The following MCTP1 variants were observed in gnomAD, a reference collection of about 807,000 sequenced individuals.
MCTP1 encodes the protein multiple C2 and transmembrane domain containing 1.
Under a neutral mutation model 120.6 loss-of-function variants are expected in MCTP1, and 69 were observed. The observed-to-expected ratio is 0.57, with a 90% CI of 0.47 to 0.70. The LOEUF (loss-of-function observed/expected upper bound fraction) is 0.70. Among genes scored for constraint, MCTP1 ranks in the 30% least tolerant of loss-of-function variants. MCTP1 has a pLI of 0.00. For synonymous variants in MCTP1, 529 were observed against 493.1 expected, an observed-to-expected ratio of 1.07 and a Z score of -0.96; for missense variants, 1,203 against 1,248.8, an observed-to-expected ratio of 0.96 and a Z score of 0.55.
chr5:95,220,143 G>A (rs922399266), intron 1 of MCTP1, among the ~76,000 whole-genome samples: 9 of 152,110 alleles, frequency 5.9e-5, no homozygotes, highest in Non-Finnish European at 1.3e-4. Context: ...TTAGAGCTGA[G>A]GTTCCTTAAG....
chr5:95,068,814 T>A (rs1426106908), intron 1 of MCTP1: 2 of 1,279,548 alleles, frequency 1.6e-6, no homozygotes, highest in Non-Finnish European at 2.0e-6. Context: ...TCCTTTCCAA[T>A]CTTACCATAC....
intron 1 of MCTP1, among the ~76,000 whole-genome samples, chr5:95,100,254 C>A (rs1264293110): frequency 6.6e-6 from 1 of 151,624 alleles, no homozygotes; most frequent in Non-Finnish European, 1.5e-5. Context: ...GCACATGTAC[C>A]CTAAAACTTA....
At chr5:95,277,026 G>A (rs1441095856) in intron 1 of MCTP1, among the ~76,000 whole-genome samples, 1 of 152,072 alleles carries the variant, frequency 6.6e-6, no homozygotes, top group Non-Finnish European at 1.5e-5. Flanking sequence ...CAGTGAAGAA[G>A]GAAGGGAAGG....
At chr5:94,912,318 G>C (rs999110655) in intron 9 of MCTP1, among the ~76,000 whole-genome samples, 2 of 151,010 alleles carry the variant, frequency 1.3e-5, no homozygotes, top group Non-Finnish European at 2.9e-5. Context: ...CCAGCTACTC[G>C]GGAGGCTGAG....
At chr5:95,054,696 GA>G (rs1746909257) in intron 1 of MCTP1, among the ~76,000 whole-genome samples, 1 of 152,150 alleles carries the variant, frequency 6.6e-6, no homozygotes, top group South Asian at 2.1e-4. Context: ...GTATTAATGT[GA>G]AAAAATAAAG....
chr5:95,039,795 G>A (rs1377244359), intron 1 of MCTP1, among the ~76,000 whole-genome samples: 1 of 140,430 alleles, frequency 7.1e-6, no homozygotes, highest in Non-Finnish European at 1.5e-5. Flanking sequence ...AGCTTATTCA[G>A]TTAACTGATA....
At chr5:94,768,495 C>A (rs774082154) in intron 19 of MCTP1, among the ~76,000 whole-genome samples, 1 of 151,868 alleles carries the variant, frequency 6.6e-6, no homozygotes, top group Admixed American at 6.6e-5. Context: ...ATCCAACAAG[C>A]GACTCGTAAT....
chr5:95,018,320 A>G (rs533898039), intron 1 of MCTP1, among the ~76,000 whole-genome samples: 53 of 152,212 alleles, frequency 3.5e-4, no homozygotes, highest in African/African-American at 1.2e-3. Flanking sequence ...TTAAATTCTT[A>G]TAATTTTTTT....
At chr5:95,114,655 C>T (rs1266165276) in intron 1 of MCTP1, among the ~76,000 whole-genome samples, 1 of 152,180 alleles carries the variant, frequency 6.6e-6, no homozygotes, top group African/African-American at 2.4e-5. Flanking sequence ...AATAGAAAAC[C>T]ATGTAGACAT....
intron 1 of MCTP1, among the ~76,000 whole-genome samples, chr5:95,281,959 G>A (rs1016509178): frequency 5.9e-5 from 9 of 152,312 alleles, no homozygotes; most frequent in Admixed American, 4.6e-4. Context: ...AGATTCTGGA[G>A]ACTGACTTGA....
chr5:94,979,948 G>T (rs993082344), intron 2 of MCTP1, among the ~76,000 whole-genome samples: 1 of 152,026 alleles, frequency 6.6e-6, no homozygotes, highest in Non-Finnish European at 1.5e-5. Flanking sequence ...TAAGGAAAAT[G>T]TAAGATTTAA....
intron 6 of MCTP1, among the ~76,000 whole-genome samples, chr5:94,930,459 A>T (rs1814377580): frequency 6.6e-6 from 1 of 151,658 alleles, no homozygotes; most frequent in South Asian, 2.1e-4. Context: ...TTTTTAGTAG[A>T]GATGGGGTTT....
chr5:95,159,529 G>T (rs914068688), intron 1 of MCTP1, among the ~76,000 whole-genome samples: 1 of 152,128 alleles, frequency 6.6e-6, no homozygotes, highest in Non-Finnish European at 1.5e-5. Context: ...TATATACTAT[G>T]TTAAGTTCTA....
At chr5:94,745,027 G>A (rs1322400146) in intron 19 of MCTP1, among the ~76,000 whole-genome samples, 2 of 152,168 alleles carry the variant, frequency 1.3e-5, no homozygotes, top group East Asian at 3.9e-4. Flanking sequence ...GAAACAACAA[G>A]AGAAGGAAGA....
At chr5:95,203,223 CG>C (rs1340997967) in intron 1 of MCTP1, among the ~76,000 whole-genome samples, 3 of 152,150 alleles carry the variant, frequency 2.0e-5, no homozygotes, top group African/African-American at 4.8e-5. Context: ...ATATTTTGAA[CG>C]TTACTTCCAA....
intron 19 of MCTP1, among the ~76,000 whole-genome samples, chr5:94,715,982 CTT>C (rs1478727445): frequency 1.3e-5 from 2 of 152,226 alleles, no homozygotes; most frequent in East Asian, 1.9e-4. Context: ...TACATACTGA[CTT>C]TCATTTCAGA....
At chr5:94,825,895 A>C (rs1561700832) in intron 17 of MCTP1, 3 of 163,258 alleles carry the variant, frequency 1.8e-5, no homozygotes, top group African/African-American at 7.4e-5. Context: ...TTTTTTTTCA[A>C]TTTGAGAGCA....
At chr5:95,177,242 G>T (rs1479313764) in intron 1 of MCTP1, among the ~76,000 whole-genome samples, 3 of 151,998 alleles carry the variant, frequency 2.0e-5, no homozygotes, top group Admixed American at 1.3e-4. Flanking sequence ...TGTGATTGTG[G>T]AGATTTAATG....
At chr5:95,124,057 G>C (rs574839519) in intron 1 of MCTP1, among the ~76,000 whole-genome samples, 1 of 152,142 alleles carries the variant, frequency 6.6e-6, no homozygotes, top group African/African-American at 2.4e-5. Flanking sequence ...AGGGTAACAC[G>C]TACACATTTA....
Sources: allele counts gnomAD v4.1 joint callset (sites outside exome capture counted in the v4.1 genomes callset), GRCh38; gene constraint gnomAD v4.1.1; transcripts MANE v1.5; gene names NCBI Gene and HGNC (gene_info 2026-07-23, HGNC 2026-07-21).